Variants in RALYL observed in about 807,000 individuals in gnomAD.
RALYL encodes RALY RNA binding protein like, also known as RNA-binding Raly-like protein.
RALYL carries 29 observed loss-of-function variants against 35.1 expected under a neutral mutation model. The ratio of observed to expected loss-of-function variants is 0.83; its 90% CI spans 0.61 to 1.13. The LOEUF (loss-of-function observed/expected upper bound fraction) is 1.13. RALYL is among the 50% of genes most tolerant of loss of function. RALYL has a pLI of 0.00. For missense variants in RALYL, 359 were observed against 360.4 expected (o/e 1.00, Z 0.03); for synonymous variants, 120 against 127.6 (o/e 0.94, Z 0.40).
chr8:84,290,528 C>A (rs935109644), intron 1 of RALYL, among the ~76,000 whole-genome samples: 4 of 151,928 alleles, frequency 2.6e-5, no homozygotes, highest in African/African-American at 9.7e-5. Context: ...AGTGGGGGTG[C>A]TTTTTGAGCC....
At chr8:84,453,213 C>T (rs1503602) in intron 1 of RALYL, among the ~76,000 whole-genome samples, 52,776 of 151,460 alleles carry the variant, frequency 0.35, 9,497 homozygotes, top group South Asian at 0.52. Flanking sequence ...TAAACATATA[C>T]ATATATACAC....
intron 8 of RALYL, among the ~76,000 whole-genome samples, chr8:84,896,370 T>C (rs1403396486): frequency 6.6e-6 from 1 of 152,210 alleles, no homozygotes; most frequent in Non-Finnish European, 1.5e-5. Context: ...CATGAGCTAA[T>C]GACTGAATAT....
intron 8 of RALYL, 106 bp downstream of exon 8, chr8:84,887,882 C>A: frequency 1.0e-6 from 1 of 990,164 alleles, no homozygotes; most frequent in Non-Finnish European, 1.5e-6. Context: ...GCTTATTTCT[C>A]TTATATGCAT....
intron 1 of RALYL, among the ~76,000 whole-genome samples, chr8:84,313,859 T>C (rs1358192013): frequency 1.3e-5 from 2 of 152,218 alleles, no homozygotes; most frequent in African/African-American, 2.4e-5. Context: ...AAAGTCTTCC[T>C]GTTACCCATT....
Position 84,202,747 on chromosome 8 carries a change from A to G in RALYL, c.-24+18323A>G, listed in dbSNP as rs191413839. Reference sequence around the variant, plus strand: ...GACTCTAACCACTAGGAATTATGCTACAAAATTGCATTTTGTACAGTATTT... The same window carrying G: ...GACTCTAACCACTAGGAATTATGCTGCAAAATTGCATTTTGTACAGTATTT... On this transcript the variant is annotated intron_variant, in intron 1 of 8. Transcript: ENST00000521268. Among the ~76,000 whole-genome samples the G allele has an allele frequency of 2.7e-4, 41 of 152,304 alleles. No homozygotes were observed. In the East Asian group the frequency reaches 7.9e-3, roughly 29 times the overall value.
intron 1 of RALYL, among the ~76,000 whole-genome samples, chr8:84,464,384 A>G (rs2051250502): frequency 6.6e-6 from 1 of 151,294 alleles, no homozygotes; most frequent in South Asian, 2.1e-4. Flanking sequence ...GAGTGAGAAT[A>G]TGCGGTGTTT....
intron 1 of RALYL, among the ~76,000 whole-genome samples, chr8:84,195,800 T>G (rs1815133583): frequency 6.6e-6 from 1 of 152,058 alleles, no homozygotes; most frequent in African/African-American, 2.4e-5. Flanking sequence ...ACAAAAAGAT[T>G]TAGAGCAAAT....
At position 84,647,431 on chromosome 8, in the gene RALYL, G is replaced by A. The variant is rs535446341; in HGVS notation, c.256+117854G>A. On this transcript the variant is annotated intron_variant, in intron 2 of 8. Transcript: ENST00000521268. The stretch of plus-strand genomic sequence containing the variant: ...GTATTTGTAAGGACTGAATAAACAT[G>A]CCTGAAGATAGAAATTGGAGAAGGT... Among the ~76,000 whole-genome samples, 4 of 152,158 alleles carry A rather than the reference G, an allele frequency of 2.6e-5. No individual in the cohort carries two copies. In the East Asian group the frequency reaches 7.8e-4, roughly 30 times the overall value.
At chr8:84,676,541 G>A (rs942887358) in intron 2 of RALYL, among the ~76,000 whole-genome samples, 1 of 152,118 alleles carries the variant, frequency 6.6e-6, no homozygotes. Context: ...GAGTCCATGA[G>A]ATAACTGAAT....
chr8:84,215,538 GTTTT>G (rs35692746), intron 1 of RALYL, among the ~76,000 whole-genome samples: 83 of 146,968 alleles, frequency 5.6e-4, no homozygotes, highest in African/African-American at 1.9e-3. Flanking sequence ...TATGCATAAG[GTTTT>G]TTTTTTTAAT....
At chr8:84,549,991 C>A (rs958518810) in intron 2 of RALYL, among the ~76,000 whole-genome samples, 2 of 152,128 alleles carry the variant, frequency 1.3e-5, no homozygotes, top group Non-Finnish European at 2.9e-5. Flanking sequence ...CTATCCAGAA[C>A]ACTCTCTACA....
intron 2 of RALYL, among the ~76,000 whole-genome samples, chr8:84,532,783 C>A (rs1284301867): frequency 6.6e-6 from 1 of 151,928 alleles, no homozygotes; most frequent in Non-Finnish European, 1.5e-5. Flanking sequence ...AATTAAACAT[C>A]AGTAGTACCA....
intron 1 of RALYL, among the ~76,000 whole-genome samples, chr8:84,350,377 G>A (rs1850665948): frequency 6.6e-6 from 1 of 150,440 alleles, no homozygotes; most frequent in East Asian, 1.9e-4. Context: ...TTTTTCAAGT[G>A]TTTTTGTAAA....
chr8:84,701,129 G>A (rs920093194), intron 2 of RALYL, among the ~76,000 whole-genome samples: 14 of 152,064 alleles, frequency 9.2e-5, no homozygotes, highest in Admixed American at 2.6e-4. Flanking sequence ...CTAGGAGAAA[G>A]GTTAACTGTG....
chr8:84,659,921 T>G (rs1830596266), intron 2 of RALYL, among the ~76,000 whole-genome samples: 1 of 152,164 alleles, frequency 6.6e-6, no homozygotes, highest in African/African-American at 2.4e-5. Context: ...AAAGATAAAG[T>G]TAGAAATCAG....
intron 4 of RALYL, among the ~76,000 whole-genome samples, chr8:84,820,402 A>G (rs1311764572): frequency 6.6e-6 from 1 of 152,226 alleles, no homozygotes; most frequent in East Asian, 1.9e-4. Flanking sequence ...GGAAAGAACT[A>G]ACCTTAAGTG....
intron 2 of RALYL, among the ~76,000 whole-genome samples, chr8:84,715,131 A>G (rs1335294443): frequency 6.6e-6 from 1 of 151,908 alleles, no homozygotes; most frequent in African/African-American, 2.4e-5. Context: ...TTTATCATTA[A>G]AACTTTGTTT....
At chr8:84,799,659 A>T (rs891157796) in intron 3 of RALYL, among the ~76,000 whole-genome samples, 24 of 152,352 alleles carry the variant, frequency 1.6e-4, no homozygotes, top group Admixed American at 8.5e-4. Context: ...AAGGAAGAGC[A>T]AAATAAGCGA....
intron 3 of RALYL, among the ~76,000 whole-genome samples, chr8:84,790,551 T>C (rs1169257105): frequency 6.6e-6 from 1 of 152,202 alleles, no homozygotes; most frequent in East Asian, 1.9e-4. Context: ...TAGTCATTTA[T>C]TCATCAATTA....
Sources: allele counts gnomAD v4.1 joint callset (sites outside exome capture counted in the v4.1 genomes callset), GRCh38; gene constraint gnomAD v4.1.1; transcripts MANE v1.5; gene names NCBI Gene and HGNC (gene_info 2026-07-23, HGNC 2026-07-21).